CYTH3: variants seen among roughly 807,000 people sequenced by gnomAD.
CYTH3 encodes cytohesin-3.
Under a neutral mutation model 55.1 loss-of-function variants are expected in CYTH3, and 23 were observed. The ratio of observed to expected loss-of-function variants is 0.42; its 90% CI spans 0.30 to 0.59. The LOEUF is 0.59. Among genes scored for constraint, CYTH3 ranks in the 20% least tolerant of loss-of-function variants. The probability of loss-of-function intolerance (pLI) is 0.20; values close to 1 mark genes in which losing one functional copy is unlikely to be tolerated. For synonymous variants in CYTH3, 249 were observed against 194.9 expected (o/e 1.28, Z -2.31); for missense variants, 413 against 524.8 (o/e 0.79, Z 2.08).
chr7:6,218,575 G>A (rs916325441), intron 1 of CYTH3, among the ~76,000 whole-genome samples: 6 of 152,180 alleles, frequency 3.9e-5, no homozygotes, highest in Non-Finnish European at 8.8e-5. Context: ...TACAGAACTA[G>A]GGTGCAGCTA....
At chr7:6,256,214 G>A (rs563661747) in intron 1 of CYTH3, among the ~76,000 whole-genome samples, 38 of 152,250 alleles carry the variant, frequency 2.5e-4, no homozygotes, top group African/African-American at 8.4e-4. Flanking sequence ...AGATAAAACC[G>A]CCTACAGCAA....
rs920329203 is a variant in CYTH3 at position 6,163,383 on chromosome 7, G to A, written c.*1561C>T. 3.3e-5 allele frequency: 5 copies of A among 152,766 alleles called. No individual in the cohort carries two copies. Among genetic ancestry groups the A allele is most frequent in the African/African-American group, 4.8e-5 (2 of 41,462 alleles). The allele number at this position is 152,766 out of a possible 1,614,324, so 9.5% of individuals were successfully genotyped here. On this transcript the variant is annotated 3_prime_UTR_variant, in exon 13 of 13. Coordinates refer to ENST00000350796, the MANE Select transcript of CYTH3 (RefSeq NM_004227.4). ...CAAGGTGTGTGTGCCTATGCAGGTGGGGCAGGAAGAGGAAGTCCATAGAGG... is the reference window on the plus strand; with the variant it reads ...CAAGGTGTGTGTGCCTATGCAGGTGAGGCAGGAAGAGGAAGTCCATAGAGG...
At position 6,170,907 on chromosome 7, in the gene CYTH3, T is replaced by TC; in HGVS notation, c.633_634insG (p.Lys212GlufsTer22). On this transcript the variant is annotated frameshift_variant, in exon 8 of 13. Transcript: ENST00000350796. LOFTEE classifies it high-confidence loss of function. The surrounding 1 kb of genome is among the most constrained non-coding windows in gnomAD (Gnocchi z 7.8). ...GCGATGAACCGTTCTGCCGTGGGCT[T>TC]GTCACGCACGTTGTGGTTGTGGAGG... 1 of 1,613,948 alleles carries TC rather than the reference T, an allele frequency of 6.2e-7. No individual in the cohort carries two copies. The highest frequency in any genetic ancestry group is 8.5e-7 in the Non-Finnish European group (1 of 1,179,910).
Position 6,165,011 on chromosome 7 carries a change from C to G in CYTH3, c.1133G>C (p.Ser378Thr). Residue 378 changes from serine to threonine, a missense_variant, in exon 13 of 13, where the codon AGT becomes ACT. Physicochemically the swap from Ser to Thr is moderately conservative, Grantham distance 58. Around this residue, in one of 4 missense-constraint regions of CYTH3, gnomAD observed 98 missense variants for 115.2 expected, o/e 0.85. Coordinates refer to ENST00000350796, the MANE Select transcript of CYTH3 (RefSeq NM_004227.4). ...GTCATAGAAGGGATCTCTGCTGATA[C>G]TGGCTCTGGTGAAAAAAGGAAAACA... The part of the protein sequence containing the change: ...KEEWMKSIKA[S>T]ISRDPFYDML... 6.2e-7 allele frequency: 1 copy of G among 1,614,206 alleles called. No homozygotes were observed. The highest frequency in any genetic ancestry group is 8.5e-7 in the Non-Finnish European group (1 of 1,180,032).
intron 3 of CYTH3, among the ~76,000 whole-genome samples, 172 bp from the exon 4 acceptor site, chr7:6,187,288 T>C (rs1214423012): frequency 6.6e-5 from 10 of 152,360 alleles, no homozygotes; most frequent in African/African-American, 1.2e-4. Context: ...GCAGCCACCA[T>C]TGCTGTTCAC....
chr7:6,256,975 C>T (rs1780145820), intron 1 of CYTH3, among the ~76,000 whole-genome samples: 1 of 152,190 alleles, frequency 6.6e-6, no homozygotes, highest in Non-Finnish European at 1.5e-5. Flanking sequence ...ACTGAAACAT[C>T]CTAGTAACCA....
intron 2 of CYTH3, among the ~76,000 whole-genome samples, 170 bp downstream of exon 2, chr7:6,190,275 CTCTG>C (rs1300643877): frequency 6.6e-6 from 1 of 151,356 alleles, no homozygotes. Context: ...TAACTTTTCA[CTCTG>C]TCTCTTTGTG....
intron 1 of CYTH3, among the ~76,000 whole-genome samples, chr7:6,239,191 G>A (rs796310482): frequency 2.4e-4 from 37 of 152,280 alleles, no homozygotes; most frequent in African/African-American, 8.9e-4. Flanking sequence ...TCCAGCCTGG[G>A]CAACAGGGCA....
At chr7:6,213,318 A>G (rs1784361511) in intron 1 of CYTH3, among the ~76,000 whole-genome samples, 1 of 152,238 alleles carries the variant, frequency 6.6e-6, no homozygotes, top group Non-Finnish European at 1.5e-5. Flanking sequence ...TGAATTCCTG[A>G]AAATATATCC....
At chr7:6,228,945 T>C (rs1468788466) in intron 1 of CYTH3, among the ~76,000 whole-genome samples, 1 of 152,178 alleles carries the variant, frequency 6.6e-6, no homozygotes, top group East Asian at 1.9e-4. Context: ...CACTGTGCAA[T>C]CGCTGTCCGA....
chr7:6,259,771 AT>A (rs869037090), intron 1 of CYTH3, among the ~76,000 whole-genome samples: 8,259 of 21,762 alleles, frequency 0.38, 1,305 homozygotes, highest in Non-Finnish European at 0.41. Flanking sequence ...ATATATATAT[AT>A]TATATATATA....
At chr7:6,236,724 G>A (rs113539815) in intron 1 of CYTH3, among the ~76,000 whole-genome samples, 7 of 151,974 alleles carry the variant, frequency 4.6e-5, no homozygotes, top group Admixed American at 4.6e-4. Flanking sequence ...ACCACACCCA[G>A]CTAATTTTTT....
intron 6 of CYTH3, chr7:6,173,214 G>C: frequency 3.6e-6 from 1 of 275,070 alleles, no homozygotes; most frequent in South Asian, 9.6e-5. Context: ...GGGGCATCCA[G>C]GGAGTGTGTC....
chr7:6,221,715 T>G (rs1026856955), intron 1 of CYTH3, among the ~76,000 whole-genome samples: 1 of 151,850 alleles, frequency 6.6e-6, no homozygotes, highest in African/African-American at 2.4e-5. Context: ...AAAAAAAAAT[T>G]AGGCCAGGCA....
In CYTH3 at chr7:6,175,783, G is replaced by C. The variant is rs552281880; in HGVS notation, c.368+2040C>G. Among the ~76,000 whole-genome samples the C allele has an allele frequency of 3.3e-5, 5 of 152,226 alleles. No homozygotes were observed. The South Asian group carries it at 1.0e-3, about 32-fold the overall frequency. On this transcript the variant is annotated intron_variant, in intron 5 of 12. Transcript: ENST00000350796. ...GCTGGTCTTAAACTCCTGACCTCAG[G>C]TGATCTGCCCGTCTCAGCCTCCCAA...
chr7:6,209,491 G>A (rs764249506), intron 1 of CYTH3, among the ~76,000 whole-genome samples: 12 of 152,230 alleles, frequency 7.9e-5, no homozygotes, highest in South Asian at 2.1e-4. Flanking sequence ...TTGGCGGTGC[G>A]GGGGAGCAGC....
At chr7:6,204,992 C>G (rs1231061896) in intron 1 of CYTH3, among the ~76,000 whole-genome samples, 1 of 151,894 alleles carries the variant, frequency 6.6e-6, no homozygotes, top group Non-Finnish European at 1.5e-5. Context: ...TGGCGAAGAC[C>G]CTGTCTCTAT....
chr7:6,165,195 T>A, intron 12 of CYTH3, 78 bp downstream of exon 12: 1 of 1,563,732 alleles, frequency 6.4e-7, no homozygotes, highest in Non-Finnish European at 8.7e-7. Flanking sequence ...CACGGAAGCA[T>A]CCATGTTCCA....
chr7:6,189,803 G>C (rs1180950638), intron 2 of CYTH3, among the ~76,000 whole-genome samples: 1 of 152,104 alleles, frequency 6.6e-6, no homozygotes, highest in Non-Finnish European at 1.5e-5. Flanking sequence ...TTGGGAGGCT[G>C]AGGTGAGCGG....
Sources: gnomAD v4.1 joint callset for allele counts (sites outside exome capture counted in the v4.1 genomes callset) on GRCh38, gnomAD v4.1.1 for gene constraint, gnomAD v4.1.1 regional missense constraint, Gnocchi (gnomAD v3.1) non-coding constraint, MANE v1.5 for transcripts, NCBI Gene and HGNC (gene_info 2026-07-23, HGNC 2026-07-21) for gene names.